SLC9A9: variants seen among roughly 807,000 people sequenced by gnomAD.
SLC9A9 encodes the protein sodium/hydrogen exchanger 9.
SLC9A9 carries 62 observed loss-of-function variants against 77.8 expected under a neutral mutation model. The ratio of observed to expected loss-of-function variants is 0.80; its 90% confidence interval spans 0.65 to 0.98. SLC9A9 has a LOEUF of 0.98. SLC9A9 is among the 50% of genes least tolerant of loss of function. SLC9A9 has a pLI of 0.00. For synonymous variants in SLC9A9, 320 were observed against 283.5 expected (o/e 1.13, Z -1.29); for missense variants, 775 against 774.9 (o/e 1.00, Z 0.00).
chr3:143,581,658 C>A (rs983974753), intron 6 of SLC9A9, among the ~76,000 whole-genome samples: 1 of 152,158 alleles, frequency 6.6e-6, no homozygotes, highest in South Asian at 2.1e-4. Flanking sequence ...TTTAAAAAGG[C>A]GATCATGTTG....
chr3:143,848,035 G>T, intron 1 of SLC9A9, 113 bp downstream of exon 1: 1 of 1,083,920 alleles, frequency 9.2e-7, no homozygotes, highest in Non-Finnish European at 1.4e-6. Flanking sequence ...TCAAACTAAT[G>T]ACATTTCAAT....
At chr3:143,505,535 A>G (rs2035999296) in intron 9 of SLC9A9, among the ~76,000 whole-genome samples, 1 of 152,164 alleles carries the variant, frequency 6.6e-6, no homozygotes, top group Non-Finnish European at 1.5e-5. Context: ...GAGGTGCACC[A>G]CTTAAGCGTT....
intron 5 of SLC9A9, among the ~76,000 whole-genome samples, chr3:143,668,854 C>T (rs60098452): frequency 0.089 from 13,484 of 152,190 alleles, 604 homozygotes; most frequent in East Asian, 0.12. Context: ...TTCTCCATTT[C>T]AGTGCAAAAT....
intron 4 of SLC9A9, among the ~76,000 whole-genome samples, chr3:143,780,474 A>T (rs2007835662): frequency 6.6e-6 from 1 of 152,234 alleles, no homozygotes; most frequent in Non-Finnish European, 1.5e-5. Flanking sequence ...TCACTCATTA[A>T]AAGTTTTTAC....
chr3:143,342,113 C>A (rs897858592), intron 14 of SLC9A9: 1 of 152,220 alleles, frequency 6.6e-6, no homozygotes, highest in East Asian at 1.9e-4. Flanking sequence ...AAGGTTCATA[C>A]TTTACTGACC....
chr3:143,815,167 A>G (rs1286678438), intron 2 of SLC9A9, among the ~76,000 whole-genome samples: 1 of 152,258 alleles, frequency 6.6e-6, no homozygotes, highest in African/African-American at 2.4e-5. Flanking sequence ...TAATAAATTA[A>G]TGCTTTTAAA....
intron 8 of SLC9A9, among the ~76,000 whole-genome samples, chr3:143,566,650 T>C (rs934361076): frequency 6.6e-6 from 1 of 152,124 alleles, no homozygotes; most frequent in Non-Finnish European, 1.5e-5. Flanking sequence ...GAAAATGAGA[T>C]ATGCCAGTGG....
chr3:143,807,967 T>C lies in SLC9A9; in HGVS notation c.379-11064A>G, dbSNP rs369331671. On this transcript the variant is annotated intron_variant, in intron 2 of 15. Transcript: ENST00000316549. ...CATCTCGATGCTTTAAGAAAGTCACTTGGGTGGCTTCTGCAGAATCCCGGT... is the reference window on the plus strand; with the variant it reads ...CATCTCGATGCTTTAAGAAAGTCACCTGGGTGGCTTCTGCAGAATCCCGGT... Among the ~76,000 whole-genome samples, 36 of 152,230 alleles carry C rather than the reference T, an allele frequency of 2.4e-4. No individual in the cohort carries two copies. In the South Asian group the frequency reaches 2.9e-3, roughly 12 times the overall value.
intron 6 of SLC9A9, among the ~76,000 whole-genome samples, chr3:143,638,907 A>C (rs9873934): frequency 0.28 from 42,477 of 152,134 alleles, 6,491 homozygotes; most frequent in East Asian, 0.38. Flanking sequence ...ATATGAGCAG[A>C]TTATATTCTC....
At chr3:143,396,934 T>C (rs1321694283) in intron 12 of SLC9A9, among the ~76,000 whole-genome samples, 2 of 152,192 alleles carry the variant, frequency 1.3e-5, no homozygotes, top group African/African-American at 4.8e-5. Context: ...TTTTGGAGTG[T>C]ATAAGTATGC....
At chr3:143,631,276 A>G (rs2038419098) in intron 6 of SLC9A9, among the ~76,000 whole-genome samples, 1 of 152,196 alleles carries the variant, frequency 6.6e-6, no homozygotes. Context: ...TTTCTAATGC[A>G]CTTTTGAAAA....
chr3:143,361,163 T>C (rs935142413), intron 14 of SLC9A9, among the ~76,000 whole-genome samples: 7 of 152,276 alleles, frequency 4.6e-5, no homozygotes, highest in Admixed American at 1.3e-4. Context: ...GTACTTCTGC[T>C]GATTCTATTT....
chr3:143,335,579 C>T (rs1197681184), intron 14 of SLC9A9, among the ~76,000 whole-genome samples: 3 of 152,086 alleles, frequency 2.0e-5, no homozygotes, highest in African/African-American at 7.2e-5. Flanking sequence ...GACATTTAGA[C>T]CAATGGAACA....
intron 9 of SLC9A9, among the ~76,000 whole-genome samples, chr3:143,521,626 T>C (rs2036299574): frequency 6.6e-6 from 1 of 152,134 alleles, no homozygotes; most frequent in African/African-American, 2.4e-5. Context: ...TCCTGCCTTC[T>C]TTTGTATTGA....
At chr3:143,313,093 T>A (rs780413374) in intron 14 of SLC9A9, 1 of 152,212 alleles carries the variant, frequency 6.6e-6, no homozygotes, top group Non-Finnish European at 1.5e-5. Context: ...ATCTTTACTG[T>A]GGAAAACAAG....
In SLC9A9 at chr3:143,848,269, A is replaced by C; in HGVS notation, c.54T>G (p.His18Gln). 1 of 1,614,042 alleles carries C rather than the reference A, an allele frequency of 6.2e-7. No individual in the cohort carries two copies. Among genetic ancestry groups the C allele is most frequent in the South Asian group, 1.1e-5 (1 of 91,064 alleles). Residue 18 changes from histidine (H) to glutamine (Q), a missense_variant, in exon 1 of 16, where the codon CAT (histidine) becomes CAG (glutamine). Transcript: ENST00000316549. ...MSEKDEYQFQHQGAVELLVFN... is the reference protein window; with the variant it reads ...MSEKDEYQFQQQGAVELLVFN... ...AGACAAGCAGCTCCACCGCTCCCTG[A>C]TGTTGAAACTGATACTCATCCTTTT...
At position 143,265,941 on chromosome 3, in the gene SLC9A9, C is replaced by T. The variant is rs919698130; in HGVS notation, c.*761G>A. Reference sequence around the variant, plus strand: ...GAAGTGACTCACATGCAGGCAAGGACGGGAAGGCTTGTTCTTCAGGCACAA... The same window carrying T: ...GAAGTGACTCACATGCAGGCAAGGATGGGAAGGCTTGTTCTTCAGGCACAA... On this transcript the variant is annotated 3_prime_UTR_variant, in exon 16 of 16. Transcript: ENST00000316549. The T allele has an allele frequency of 3.1e-5, 20 of 649,720 alleles. No homozygotes were observed. The highest frequency in any genetic ancestry group is 1.6e-4 in the Admixed American group (7 of 44,668). The allele number at this position is 649,720 out of a possible 1,614,324, so 40.2% of individuals were successfully genotyped here.
chr3:143,323,922 G>C (rs1318813736), intron 14 of SLC9A9, among the ~76,000 whole-genome samples: 6 of 152,028 alleles, frequency 3.9e-5, no homozygotes, highest in East Asian at 1.9e-4. Context: ...GTTAGTCTTT[G>C]GTTTGTCAGT....
At chr3:143,515,280 C>G (rs2036186671) in intron 9 of SLC9A9, among the ~76,000 whole-genome samples, 1 of 152,060 alleles carries the variant, frequency 6.6e-6, no homozygotes, top group Admixed American at 6.6e-5. Flanking sequence ...CTCATCATAA[C>G]ACATATAATG....
Sources: allele counts gnomAD v4.1 joint callset (sites outside exome capture counted in the v4.1 genomes callset), GRCh38; gene constraint gnomAD v4.1.1; transcripts MANE v1.5; gene names NCBI Gene and HGNC (gene_info 2026-07-23, HGNC 2026-07-21).